PCF11: variants seen among roughly 807,000 people sequenced by gnomAD.
PCF11 encodes the protein PCF11 cleavage and polyadenylation factor subunit.
Under a neutral mutation model 166.1 loss-of-function variants are expected in PCF11, and 19 were observed. That is an observed-to-expected ratio of 0.11 (90% CI 0.08 to 0.17). The LOEUF (loss-of-function observed/expected upper bound fraction) is 0.17. Among genes scored for constraint, PCF11 ranks in the 10% least tolerant of loss-of-function variants. The pLI, the probability that PCF11 is intolerant of heterozygous loss-of-function variation, is 1.00. For missense variants in PCF11, 1,565 were observed against 1,855.5 expected (o/e 0.84, Z 2.88); for synonymous variants, 663 against 644.1 (o/e 1.03, Z -0.44).
Position 83,167,749 on chromosome 11 carries a change from G to A in PCF11, c.2092+244G>A, listed in dbSNP as rs1860521735. 6.9e-7 allele frequency: 1 copy of A among 1,452,822 alleles called. No individual in the cohort carries two copies. The highest frequency in any genetic ancestry group is 9.1e-7 in the Non-Finnish European group (1 of 1,095,236). 90.0% of individuals were successfully genotyped at this position (1,452,822 alleles called of 1,614,324 possible). On this transcript the variant is annotated intron_variant, in intron 7 of 15. Coordinates refer to ENST00000298281, the Ensembl canonical transcript of PCF11. This position sits in a 1 kb window ranked among gnomAD's most constrained non-coding sequence, Gnocchi z 4.2. ...GAGCCATCCAAAAGTAAACATGCAA[G>A]TAGGAATAGTGGAGCACAGTTTGAC...
exon 12 of PCF11, chr11:83,181,191 A>G: frequency 6.3e-7 from 1 of 1,578,648 alleles, no homozygotes; most frequent in East Asian, 2.2e-5. Context: ...ACAGTTTAAC[A>G]GTAAGTAACC....
Position 83,169,373 on chromosome 11 carries a change from T to C in PCF11, c.3038T>C (p.Val1013Ala), listed in dbSNP as rs755960986. The change falls in exon 8 of 16, where the codon GTA becomes GCA. Residue 1013 changes from valine to alanine, a missense_variant. Val to Ala is a moderately conservative substitution (Grantham distance 64). This residue lies in a region of PCF11 where 725 missense variants were observed against 749.3 expected (regional missense o/e 0.97). Coordinates refer to ENST00000298281, the Ensembl canonical transcript of PCF11. ...GGAATGAGGTTTGAGGGTCCTTCTG[T>C]ACCAGGAGGTGGCCTGAGAATTGAA... is the stretch of plus-strand genomic sequence containing the variant. 5.0e-6 allele frequency: 8 copies of C among 1,613,616 alleles called. No homozygotes were observed. The East Asian group carries it at 1.8e-4, about 36-fold the overall frequency.
exon 16 of PCF11, chr11:83,186,358 C>CTT (rs1861291722): frequency 6.6e-6 from 1 of 152,172 alleles, no homozygotes; most frequent in South Asian, 2.1e-4. Flanking sequence ...CAAAAATTGA[C>CTT]TTCTTATGGT....
At chr11:83,175,708 C>T (rs556229643) in intron 9 of PCF11, among the ~76,000 whole-genome samples, 4 of 152,188 alleles carry the variant, frequency 2.6e-5, no homozygotes, top group Admixed American at 1.3e-4. Context: ...GAGCTGAGAT[C>T]GTGCCCCTGC....
At chr11:83,181,019 G>C (rs764294089) in exon 12 of PCF11, 8 of 1,534,650 alleles carry the variant, frequency 5.2e-6, no homozygotes, top group Non-Finnish European at 7.1e-6. Context: ...CGTTATGACA[G>C]TGTTATAAAT....
At position 83,177,574 on chromosome 11, in the gene PCF11, C is replaced by A. The variant is rs1860930172; in HGVS notation, c.3878-140C>A. 1.1e-5 allele frequency: 5 copies of A among 435,198 alleles called. No individual in the cohort carries two copies. In the East Asian group the frequency reaches 1.7e-4, roughly 15 times the overall value. 27.0% of individuals were successfully genotyped at this position (435,198 alleles called of 1,614,324 possible). A position where few individuals can be genotyped will look rare whatever the true frequency, so the allele number is the denominator to read the frequency against. On this transcript the variant is annotated intron_variant, in intron 10 of 15. Coordinates refer to ENST00000298281, the Ensembl canonical transcript of PCF11. Reference sequence around the variant, plus strand: ...CAAAATAAAAAATTGTATTAGGTTCCTTGGCCAGTAAACTTGAGATCAGAA... The same window carrying A: ...CAAAATAAAAAATTGTATTAGGTTCATTGGCCAGTAAACTTGAGATCAGAA...
intron 11 of PCF11, among the ~76,000 whole-genome samples, chr11:83,179,494 C>T (rs1861009546): frequency 6.6e-6 from 1 of 152,152 alleles, no homozygotes; most frequent in African/African-American, 2.4e-5. Context: ...AAGTCATCTG[C>T]CCGCCTCGGC....
At chr11:83,171,968 G>A in intron 9 of PCF11, 54 bp downstream of exon 9, 2 of 851,926 alleles carry the variant, frequency 2.3e-6, no homozygotes, top group South Asian at 2.8e-5. Flanking sequence ...TTGTTTTGTT[G>A]AATAGCTAAC....
chr11:83,172,511 C>T (rs1348358189), intron 9 of PCF11, among the ~76,000 whole-genome samples: 1 of 152,114 alleles, frequency 6.6e-6, no homozygotes, highest in Non-Finnish European at 1.5e-5. Flanking sequence ...CAGCCTCTGC[C>T]TCCGGGGTTC....
At chr11:83,164,966 C>T (rs1860393899) in intron 4 of PCF11, among the ~76,000 whole-genome samples, 1 of 152,144 alleles carries the variant, frequency 6.6e-6, no homozygotes, top group African/African-American at 2.4e-5. Context: ...TTAATCATTA[C>T]ATTATGTGGA....
chr11:83,170,955 C>G (rs1437720452), intron 8 of PCF11, among the ~76,000 whole-genome samples: 2 of 152,164 alleles, frequency 1.3e-5, no homozygotes, highest in Non-Finnish European at 2.9e-5. Flanking sequence ...AAATGATACT[C>G]TTATTGACAG....
exon 9 of PCF11, chr11:83,171,903 A>G: frequency 2.0e-6 from 3 of 1,529,798 alleles, no homozygotes; most frequent in Non-Finnish European, 2.7e-6. Flanking sequence ...GGATTTGTTC[A>G]GAATCCTTCA....
chr11:83,159,120 AC>A (rs1288007811), intron 1 of PCF11, among the ~76,000 whole-genome samples: 2 of 152,216 alleles, frequency 1.3e-5, no homozygotes, highest in African/African-American at 4.8e-5. Context: ...AAGGACCTCA[AC>A]AAGTTTATCA....
chr11:83,160,933 T>C (rs1860224812), intron 1 of PCF11, among the ~76,000 whole-genome samples: 1 of 152,232 alleles, frequency 6.6e-6, no homozygotes, highest in African/African-American at 2.4e-5. Context: ...GTCTAAAAAC[T>C]GCTTTGAGTG....
Position 83,174,551 on chromosome 11 carries a change from AT to A in PCF11, c.3758-2522del, listed in dbSNP as rs570113907. Among the ~76,000 whole-genome samples, 386 of 146,066 alleles carry A rather than the reference AT, an allele frequency of 2.6e-3. 1 individual carries two copies. Among genetic ancestry groups the A allele is most frequent in the Admixed American group, 3.7e-3 (53 of 14,506 alleles). On this transcript the variant is annotated intron_variant, in intron 9 of 15. Transcript: ENST00000298281. ...GCTTTATAATATAGAAAGGCTATTG[AT>A]TTTTTTTTTTTGGTTTAACAAAAAA...
chr11:83,163,628 A>G (rs1860341813), intron 2 of PCF11, 51 bp from the exon 3 acceptor site: 6 of 630,312 alleles, frequency 9.5e-6, no homozygotes, highest in African/African-American at 5.7e-5. Flanking sequence ...TTTAATATAT[A>G]AAATATTCTA....
chr11:83,184,795 T>A, exon 16 of PCF11: 3 of 1,609,318 alleles, frequency 1.9e-6, no homozygotes, highest in Non-Finnish European at 2.5e-6. Flanking sequence ...GTCCCAAAGT[T>A]AAGGAAGAAC....
intron 13 of PCF11, 59 bp from the exon 14 acceptor site, chr11:83,182,335 TTTTAC>T: frequency 1.2e-6 from 1 of 861,324 alleles, no homozygotes; most frequent in Middle Eastern, 3.1e-4. Context: ...GTTTGTATAT[TTTTAC>T]TTAATGGGGT....
Position 83,167,341 on chromosome 11 carries a change from A to G in PCF11, c.2001+33A>G. On this transcript the variant is annotated intron_variant, in intron 6 of 15. Transcript: ENST00000298281. The surrounding 1 kb of genome is among the most constrained non-coding windows in gnomAD (Gnocchi z 4.2). ...CTATGATTAATCCCATGTAGTCATC[A>G]TTATCTATCGTCTATTTTTTTGGTA... 2 of 1,560,742 alleles carry G rather than the reference A, an allele frequency of 1.3e-6. No homozygotes were observed. The highest frequency in any genetic ancestry group is 1.7e-6 in the Non-Finnish European group (2 of 1,153,648).
Sources: allele counts gnomAD v4.1 joint callset (sites outside exome capture counted in the v4.1 genomes callset), GRCh38; gene constraint gnomAD v4.1.1; regional missense constraint gnomAD v4.1.1; non-coding constraint Gnocchi (gnomAD v3.1); transcripts MANE v1.5; gene names NCBI Gene and HGNC (gene_info 2026-07-23, HGNC 2026-07-21).